Variants in ZNF217 observed in about 807,000 individuals in gnomAD.
ZNF217 encodes the protein zinc finger protein 217.
Under a neutral mutation model 73.3 loss-of-function variants are expected in ZNF217, and 12 were observed. That is an observed-to-expected ratio of 0.16 (90% CI 0.10 to 0.27). The LOEUF (loss-of-function observed/expected upper bound fraction) is 0.27, where lower values mean the gene tolerates loss of function less well. ZNF217 is among the 10% of genes least tolerant of loss of function. The pLI, the probability that ZNF217 is intolerant of heterozygous loss-of-function variation, is 1.00. For synonymous variants in ZNF217, 588 were observed against 516.4 expected (o/e 1.14, Z -1.88); for missense variants, 1,195 against 1,327.8 (o/e 0.90, Z 1.55).
In ZNF217 at chr20:53,578,368, A is replaced by C; in HGVS notation, c.1449T>G (p.Asn483Lys). 1 of 1,598,476 alleles carries C rather than the reference A, an allele frequency of 6.3e-7. No individual in the cohort carries two copies. The highest frequency in any genetic ancestry group is 8.5e-7 in the Non-Finnish European group (1 of 1,175,470). Residue 483 changes from asparagine to lysine, a missense_variant, in exon 3 of 6, where the codon AAT (asparagine) becomes AAG (lysine). By Grantham distance (94) the Asn-to-Lys change is moderately conservative (BLOSUM62 0). This residue lies in a region of ZNF217 where 116 missense variants were observed against 121.9 expected (regional missense o/e 0.95). Coordinates refer to ENST00000371471, the MANE Select transcript of ZNF217 (RefSeq NM_006526.3). ...TTCTGAGATGAATATTGAGGTAATA[A>C]TTTGAACGGAAAAACTTTCCACAAT... ...CSYCGKFFRS[N>K]YYLNIHLRTH...
chr20:53,571,245 A>G (rs973440249), intron 5 of ZNF217, among the ~76,000 whole-genome samples: 1 of 151,850 alleles, frequency 6.6e-6, no homozygotes, highest in African/African-American at 2.4e-5. Context: ...TCCAGTCACT[A>G]TGACTGTTTT....
intron 4 of ZNF217, chr20:53,572,919 A>C (rs1463387473): frequency 6.6e-6 from 1 of 152,196 alleles, no homozygotes; most frequent in Admixed American, 6.5e-5. Context: ...GGAAAACCCC[A>C]GTCATCTATG....
intron 2 of ZNF217, among the ~76,000 whole-genome samples, 165 bp from the exon 3 acceptor site, chr20:53,578,615 T>C (rs1223016083): frequency 6.6e-6 from 1 of 152,246 alleles, no homozygotes; most frequent in East Asian, 1.9e-4. Context: ...CCAAATGCTG[T>C]TGGAGGTTGT....
intron 5 of ZNF217, among the ~76,000 whole-genome samples, chr20:53,569,640 T>TCC (rs901459598): frequency 2.0e-5 from 3 of 152,198 alleles, no homozygotes; most frequent in African/African-American, 7.2e-5. Context: ...CGCCTTGGCC[T>TCC]CCCAAAGTGC....
intron 3 of ZNF217, 123 bp downstream of exon 3, chr20:53,578,211 T>A (rs1032344179): frequency 1.3e-5 from 8 of 612,932 alleles, no homozygotes; most frequent in Non-Finnish European, 2.3e-5. Flanking sequence ...GCAATCAACA[T>A]GCTACATATT....
intron 2 of ZNF217, among the ~76,000 whole-genome samples, chr20:53,579,464 A>G (rs1600721210): frequency 1.3e-5 from 2 of 152,362 alleles, no homozygotes; most frequent in South Asian, 4.1e-4. Flanking sequence ...CTAAGATAAT[A>G]TAAGTTTAGG....
At chr20:53,594,050 A>G (rs1284201021), upstream of ZNF217, among the ~76,000 whole-genome samples, 1 of 140,942 alleles carries the variant, frequency 7.1e-6, no homozygotes, top group African/African-American at 2.7e-5. Context: ...CCCCCCAACA[A>G]AAAAGGAGCG....
rs954510419 is a variant in ZNF217 at position 53,571,720 on chromosome 20, C to T, written c.*23+1G>A. ...TGTTTTTAATTGAAACATATGCTCA[C>T]CTTTTTTCCCCCTAATTAGTGAATC... On this transcript the variant is annotated splice_donor_variant, in intron 5 of 5. Transcript: ENST00000371471. LOFTEE classifies it low-confidence loss of function (3UTR_SPLICE). The T allele has an allele frequency of 6.2e-7, 1 of 1,607,442 alleles. No homozygotes were observed. The highest frequency in any genetic ancestry group is 8.5e-7 in the Non-Finnish European group (1 of 1,178,058).
chr20:53,586,783 G>C (rs1185397076), intron 1 of ZNF217, among the ~76,000 whole-genome samples: 1 of 152,184 alleles, frequency 6.6e-6, no homozygotes, highest in Non-Finnish European at 1.5e-5. Context: ...AATGGGGTGT[G>C]TGCACAAACA....
At chr20:53,577,875 GC>G (rs1988341074) in intron 3 of ZNF217, among the ~76,000 whole-genome samples, 1 of 152,226 alleles carries the variant, frequency 6.6e-6, no homozygotes, top group African/African-American at 2.4e-5. Context: ...ACTATGGGAG[GC>G]CAAGGTGAGC....
intron 1 of ZNF217, among the ~76,000 whole-genome samples, chr20:53,591,598 A>G (rs1021388341): frequency 6.6e-6 from 1 of 152,272 alleles, no homozygotes; most frequent in African/African-American, 2.4e-5. Flanking sequence ...ATTAGTCTCC[A>G]GAACCCTGAA....
upstream of ZNF217, among the ~76,000 whole-genome samples, chr20:53,597,097 G>GAAAAAAAAAAAAAAAAAAAAAAAA (rs1161731962): frequency 9.7e-6 from 1 of 102,968 alleles, no homozygotes. Context: ...AAAAAAAAAA[G>GAAAAAAAAAAAAAAAAAAAAAAAA]AAAAAAAAAA....
At position 53,582,220 on chromosome 20, in the gene ZNF217, C is replaced by G; in HGVS notation, c.607G>C (p.Val203Leu). The G allele has an allele frequency of 2.5e-6, 4 of 1,614,102 alleles. No individual in the cohort carries two copies. The highest frequency in any genetic ancestry group is 3.4e-6 in the Non-Finnish European group (4 of 1,180,036). Residue 203 changes from valine to leucine, a missense_variant, in exon 2 of 6, where the codon GTC becomes CTC. By Grantham distance (32) the Val-to-Leu change is conservative. This residue lies in a region of ZNF217 where 126 missense variants were observed against 114.4 expected (regional missense o/e 1.10). Coordinates refer to ENST00000371471, the MANE Select transcript of ZNF217 (RefSeq NM_006526.3). This position sits in a 1 kb window ranked among gnomAD's most constrained non-coding sequence, Gnocchi z 4.8. The stretch of plus-strand genomic sequence containing the variant: ...ATGCTCTCGGCCGCGTGCACCTGGA[C>G]GACCTCGTTGATCGTTGCTGGACTA... ...ESSPATINEV[V>L]QVHAAESISS...
At position 53,583,005 on chromosome 20, in the gene ZNF217, G is replaced by A; in HGVS notation, c.-179C>T. 1.7e-6 allele frequency: 1 copy of A among 590,690 alleles called. No individual in the cohort carries two copies. Among genetic ancestry groups the A allele is most frequent in the Non-Finnish European group, 2.9e-6 (1 of 350,222 alleles). The allele number at this position is 590,690 out of a possible 1,614,324, so 36.6% of individuals were successfully genotyped here. ...TCGAACTTTTAGGAAGCTCAGTGAT[G>A]GTGTCACTGGTTCTTTCCACAAACA... On this transcript the variant is annotated 5_prime_UTR_variant, in exon 2 of 6. Transcript: ENST00000371471.
intron 1 of ZNF217, among the ~76,000 whole-genome samples, chr20:53,584,183 G>C (rs1198758925): frequency 6.6e-6 from 1 of 152,196 alleles, no homozygotes; most frequent in Non-Finnish European, 1.5e-5. Context: ...GCAAACATTG[G>C]ATAGGCATTG....
At chr20:53,590,923 C>T (rs1300160741) in intron 1 of ZNF217, among the ~76,000 whole-genome samples, 4 of 152,106 alleles carry the variant, frequency 2.6e-5, no homozygotes, top group Non-Finnish European at 5.9e-5. Flanking sequence ...ATTAGGGGCT[C>T]CTACTCCTCC....
At chr20:53,579,078 C>T (rs546272851) in intron 2 of ZNF217, among the ~76,000 whole-genome samples, 2 of 152,116 alleles carry the variant, frequency 1.3e-5, no homozygotes, top group African/African-American at 4.8e-5. Flanking sequence ...CTCATGTGGG[C>T]GAAAGAGATC....
chr20:53,574,440 A>G (rs2145931233), intron 4 of ZNF217: 3 of 152,360 alleles, frequency 2.0e-5, no homozygotes, highest in African/African-American at 7.2e-5. Flanking sequence ...CTGTACATGT[A>G]AAACATGGTT....
chr20:53,591,713 T>C (rs1988883176), intron 1 of ZNF217, among the ~76,000 whole-genome samples: 3 of 152,222 alleles, frequency 2.0e-5, no homozygotes, highest in South Asian at 2.1e-4. Flanking sequence ...AAGCACAAAC[T>C]AGTGGCTTGC....
Sources: gnomAD v4.1 joint callset for allele counts (sites outside exome capture counted in the v4.1 genomes callset) on GRCh38, gnomAD v4.1.1 for gene constraint, gnomAD v4.1.1 regional missense constraint, Gnocchi (gnomAD v3.1) non-coding constraint, MANE v1.5 for transcripts, NCBI Gene and HGNC (gene_info 2026-07-23, HGNC 2026-07-21) for gene names.